VIPR2: variants seen among roughly 807,000 people sequenced by gnomAD.
VIPR2 encodes vasoactive intestinal polypeptide receptor 2.
A neutral mutation model predicts 58.0 loss-of-function variants in VIPR2; 48 were observed. The ratio of observed to expected loss-of-function variants is 0.83; its 90% CI spans 0.66 to 1.05. VIPR2 has a LOEUF of 1.05. Among genes scored for constraint, VIPR2 ranks in the 50% least tolerant of loss-of-function variants. The pLI is 0.00. For synonymous variants in VIPR2, 243 were observed against 235.2 expected (o/e 1.03, Z -0.30); for missense variants, 534 against 558.0 (o/e 0.96, Z 0.43).
rs552032918 is a variant in VIPR2 at position 159,096,169 on chromosome 7, G to A, written c.357+7588C>T. Among the ~76,000 whole-genome samples the A allele has an allele frequency of 1.1e-4, 17 of 152,274 alleles. No homozygotes were observed. The East Asian group carries it at 2.9e-3, about 26-fold the overall frequency. ...GACCCTTCCCCAGAGCACAATGCCG[G>A]AGGTCCCACCCAAGGCTGCCCAAGC... is the stretch of plus-strand genomic sequence containing the variant. On this transcript the variant is annotated intron_variant, in intron 4 of 12. Transcript: ENST00000262178. This position sits in a 1 kb window ranked among gnomAD's most constrained non-coding sequence, Gnocchi z 5.5.
At position 159,090,056 on chromosome 7, in the gene VIPR2, A is replaced by C. The variant is rs1227104662; in HGVS notation, c.357+13701T>G. 8.3e-3 allele frequency among the ~76,000 whole-genome samples: 1,189 copies of C among 143,926 alleles called. 61 individuals carry two copies. Among genetic ancestry groups the C allele is most frequent in the African/African-American group, 0.031 (1,111 of 35,478 alleles). 94.4% of individuals were successfully genotyped at this position (143,926 alleles called of 152,430 possible). A position where few individuals can be genotyped will look rare whatever the true frequency, so the allele number is the denominator to read the frequency against. On this transcript the variant is annotated intron_variant, in intron 4 of 12. Transcript: ENST00000262178. ...CTTGTGACCATCACAATCCCCGGTG[A>C]CCTCAGCACAGACACGCTGGGACCA...
chr7:159,043,959 A>T (rs909187029), intron 5 of VIPR2, among the ~76,000 whole-genome samples: 1 of 152,210 alleles, frequency 6.6e-6, no homozygotes, highest in Non-Finnish European at 1.5e-5. Flanking sequence ...TCTCACATGA[A>T]GTGGGGAACC....
At chr7:159,136,235 AG>A (rs1040797028) in intron 2 of VIPR2, among the ~76,000 whole-genome samples, 30 of 152,094 alleles carry the variant, frequency 2.0e-4, no homozygotes, top group African/African-American at 5.8e-4. Context: ...TCGTGTAGTG[AG>A]GGGGCTGAGC....
chr7:159,126,598 C>A (rs150612663), intron 2 of VIPR2, among the ~76,000 whole-genome samples: 1 of 152,134 alleles, frequency 6.6e-6, no homozygotes, highest in South Asian at 2.1e-4. Flanking sequence ...AGACAACAGG[C>A]GGAGGTGTGA....
intron 5 of VIPR2, among the ~76,000 whole-genome samples, chr7:159,056,976 G>A (rs1389094517): frequency 1.3e-5 from 2 of 152,118 alleles, no homozygotes; most frequent in Admixed American, 6.5e-5. Context: ...GGCAGGTGAC[G>A]AATGATGCCT....
chr7:159,137,053 A>T (rs1012431742), intron 2 of VIPR2, among the ~76,000 whole-genome samples: 5 of 152,128 alleles, frequency 3.3e-5, no homozygotes, highest in Admixed American at 3.3e-4. Context: ...GTCTGGGGTC[A>T]CCAGCACCAG....
At chr7:159,110,423 G>T (rs1191426627) in intron 2 of VIPR2, among the ~76,000 whole-genome samples, 1 of 152,212 alleles carries the variant, frequency 6.6e-6, no homozygotes, top group Non-Finnish European at 1.5e-5. Flanking sequence ...ATAATGCATA[G>T]CTTAAACATT....
At chr7:159,054,287 A>T (rs112852812) in intron 5 of VIPR2, among the ~76,000 whole-genome samples, 6,202 of 152,300 alleles carry the variant, frequency 0.041, 412 homozygotes, top group African/African-American at 0.14. Flanking sequence ...AGAATATGGC[A>T]AAGATTTCTT....
At chr7:159,076,799 C>T (rs115551956) in intron 4 of VIPR2, among the ~76,000 whole-genome samples, 1,909 of 152,044 alleles carry the variant, frequency 0.013, 39 homozygotes, top group African/African-American at 0.044. Context: ...GTAAGAATAT[C>T]GTTGGTTTAG....
chr7:159,083,475 C>T (rs1235223885), intron 4 of VIPR2, among the ~76,000 whole-genome samples: 1 of 152,204 alleles, frequency 6.6e-6, no homozygotes. Flanking sequence ...AAGTCCCTTC[C>T]AGCTCCACCT....
chr7:159,084,756 T>A (rs1007489463), intron 4 of VIPR2, among the ~76,000 whole-genome samples: 35 of 152,172 alleles, frequency 2.3e-4, no homozygotes, highest in African/African-American at 8.0e-4. Flanking sequence ...TTTCGGGGCA[T>A]GGACTCCACC....
chr7:159,143,259 G>C (rs1797546393), intron 1 of VIPR2, among the ~76,000 whole-genome samples: 1 of 152,214 alleles, frequency 6.6e-6, no homozygotes, highest in Admixed American at 6.5e-5. Context: ...AGAAGGCACC[G>C]TTTCTACCTT....
chr7:159,044,318 G>A (rs1283852758), intron 5 of VIPR2, among the ~76,000 whole-genome samples: 1 of 152,132 alleles, frequency 6.6e-6, no homozygotes, highest in African/African-American at 2.4e-5. Context: ...TAAATAAACA[G>A]CTACAACCGG....
chr7:159,132,846 GCATAC>G (rs1435755713), intron 2 of VIPR2, among the ~76,000 whole-genome samples: 7 of 122,364 alleles, frequency 5.7e-5, no homozygotes, highest in African/African-American at 2.0e-4. Context: ...AGAATGATTG[GCATAC>G]CGATTGATTT....
intron 2 of VIPR2, among the ~76,000 whole-genome samples, chr7:159,138,134 C>T (rs111495470): frequency 3.9e-5 from 6 of 152,236 alleles, no homozygotes; most frequent in African/African-American, 1.2e-4. Flanking sequence ...CATCGCAGGG[C>T]AGCTGAGCCG....
chr7:159,111,585 G>T (rs1796004574), intron 2 of VIPR2, among the ~76,000 whole-genome samples: 1 of 151,886 alleles, frequency 6.6e-6, no homozygotes, highest in South Asian at 2.1e-4. Context: ...GAGGCTAAGG[G>T]AGGAGAATTG....
chr7:159,036,937 C>T, intron 6 of VIPR2, 35 bp from the exon 7 acceptor site: 5 of 1,593,886 alleles, frequency 3.1e-6, no homozygotes, highest in Non-Finnish European at 4.3e-6. Flanking sequence ...GAAAGCATGA[C>T]CTCATCCGGT....
chr7:159,067,704 G>A (rs1417789297), intron 4 of VIPR2, among the ~76,000 whole-genome samples: 1 of 152,228 alleles, frequency 6.6e-6, no homozygotes, highest in African/African-American at 2.4e-5. Context: ...TGCAATTCCA[G>A]GGAGTGGCTC....
At chr7:159,138,128 G>A (rs554587288) in intron 2 of VIPR2, among the ~76,000 whole-genome samples, 1 of 152,326 alleles carries the variant, frequency 6.6e-6, no homozygotes, top group African/African-American at 2.4e-5. Flanking sequence ...GGGCAGCATC[G>A]CAGGGCAGCT....
Sources: allele counts gnomAD v4.1 joint callset (sites outside exome capture counted in the v4.1 genomes callset), GRCh38; gene constraint gnomAD v4.1.1; non-coding constraint Gnocchi (gnomAD v3.1); transcripts MANE v1.5; gene names NCBI Gene and HGNC (gene_info 2026-07-23, HGNC 2026-07-21).